The following CTNNA2 variants were observed in gnomAD, a reference collection of about 807,000 sequenced individuals.
CTNNA2 encodes catenin alpha-2.
A neutral mutation model predicts 101.0 loss-of-function variants in CTNNA2; 42 were observed. The ratio of observed to expected loss-of-function variants is 0.42; its 90% confidence interval spans 0.32 to 0.54. The LOEUF (loss-of-function observed/expected upper bound fraction) is 0.54, where lower values mean the gene tolerates loss of function less well. CTNNA2 is among the 20% of genes least tolerant of loss of function. CTNNA2 has a pLI of 0.14. For synonymous variants in CTNNA2, 450 were observed against 456.4 expected, an observed-to-expected ratio of 0.99 and a Z score of 0.18; for missense variants, 871 against 1,223.1, an observed-to-expected ratio of 0.71 and a Z score of 4.29.
intron 2 of CTNNA2, among the ~76,000 whole-genome samples, chr2:79,680,533 A>G (rs773987472): frequency 3.3e-4 from 50 of 152,158 alleles, no homozygotes; most frequent in Non-Finnish European, 5.9e-4. Flanking sequence ...TGAATGTACC[A>G]CACTGAGATA....
chr2:79,872,416 G>T (rs1162097617), intron 5 of CTNNA2, among the ~76,000 whole-genome samples: 13 of 151,986 alleles, frequency 8.6e-5, no homozygotes, highest in Admixed American at 8.5e-4. Flanking sequence ...CCCAGGAATG[G>T]AATTTCTGGA....
At chr2:79,554,097 A>T (rs1046989349) in intron 1 of CTNNA2, among the ~76,000 whole-genome samples, 1 of 152,146 alleles carries the variant, frequency 6.6e-6, no homozygotes, top group South Asian at 2.1e-4. Flanking sequence ...GCATGCAATG[A>T]CCTGTGAATG....
In CTNNA2 at chr2:79,703,324, GT is replaced by G. The variant is rs572604999; in HGVS notation, c.103-41055del. 3.3e-3 allele frequency among the ~76,000 whole-genome samples: 501 copies of G among 151,984 alleles called. 2 individuals carry two copies. The highest frequency in any genetic ancestry group is 5.6e-3 in the Non-Finnish European group (381 of 67,946). On this transcript the variant is annotated intron_variant, in intron 2 of 18. Transcript: ENST00000402739. ...AAAGATTGTAACTTGGTTCTTAGTT[GT>G]TTTTTTTCCCCAAACTTGGAATAAG...
At chr2:80,190,436 T>G (rs1162082375) in intron 7 of CTNNA2, among the ~76,000 whole-genome samples, 1 of 152,128 alleles carries the variant, frequency 6.6e-6, no homozygotes, top group East Asian at 1.9e-4. Context: ...CGTAATGAAC[T>G]CCACCTGGCA....
intron 7 of CTNNA2, among the ~76,000 whole-genome samples, chr2:80,159,526 C>G (rs951898117): frequency 1.4e-4 from 21 of 152,142 alleles, no homozygotes; most frequent in African/African-American, 4.8e-4. Flanking sequence ...TTTTCTTGTG[C>G]TAACCATATA....
chr2:80,524,688 C>T (rs910268767), intron 9 of CTNNA2, among the ~76,000 whole-genome samples: 1 of 152,150 alleles, frequency 6.6e-6, no homozygotes, highest in Non-Finnish European at 1.5e-5. Context: ...TTGCCATTAC[C>T]TCCTTCCCCA....
At chr2:79,959,327 T>C (rs1218387699) in intron 7 of CTNNA2, among the ~76,000 whole-genome samples, 1 of 152,232 alleles carries the variant, frequency 6.6e-6, no homozygotes, top group Non-Finnish European at 1.5e-5. Flanking sequence ...CAAAAATTGA[T>C]ATCAGAGTAG....
chr2:80,601,771 ATC>A (rs1468159455), intron 15 of CTNNA2: 3 of 151,884 alleles, frequency 2.0e-5, no homozygotes, highest in Non-Finnish European at 4.4e-5. Context: ...ACACATTAAT[ATC>A]TGTTTGTAAT....
intron 3 of CTNNA2, among the ~76,000 whole-genome samples, chr2:79,848,363 C>T (rs767193007): frequency 5.3e-5 from 8 of 152,234 alleles, no homozygotes; most frequent in African/African-American, 1.9e-4. Context: ...CACTGTTTAA[C>T]GTTTCCTAAT....
intron 2 of CTNNA2, among the ~76,000 whole-genome samples, chr2:79,271,538 G>T (rs1026542445): frequency 7.9e-5 from 12 of 152,050 alleles, no homozygotes; most frequent in Non-Finnish European, 1.8e-4. Flanking sequence ...TTTGGTATGT[G>T]TGCATGGAGA....
intron 9 of CTNNA2, among the ~76,000 whole-genome samples, chr2:80,452,258 A>G (rs1171126451): frequency 6.8e-6 from 1 of 147,886 alleles, no homozygotes; most frequent in Non-Finnish European, 1.5e-5. Flanking sequence ...AGCTGTTGTG[A>G]TATACTGTGG....
At chr2:79,725,974 C>T (rs1228692765) in intron 2 of CTNNA2, among the ~76,000 whole-genome samples, 1 of 152,148 alleles carries the variant, frequency 6.6e-6, no homozygotes, top group African/African-American at 2.4e-5. Context: ...CTTAGGTCTG[C>T]AGATGTCCAA....
intron 7 of CTNNA2, among the ~76,000 whole-genome samples, chr2:80,282,730 G>A (rs77600877): frequency 0.023 from 3,487 of 152,202 alleles, 131 homozygotes; most frequent in African/African-American, 0.079. Context: ...ATGTAGTCAT[G>A]TGGCACAATT....
At chr2:80,080,807 C>T (rs933000170) in intron 7 of CTNNA2, among the ~76,000 whole-genome samples, 1 of 151,922 alleles carries the variant, frequency 6.6e-6, no homozygotes, top group African/African-American at 2.4e-5. Flanking sequence ...CAGACACAAA[C>T]CTCCATGTAT....
chr2:79,277,294 C>T (rs976319237), intron 2 of CTNNA2, among the ~76,000 whole-genome samples: 6 of 152,054 alleles, frequency 3.9e-5, no homozygotes, highest in Non-Finnish European at 7.4e-5. Flanking sequence ...TTTGAATATA[C>T]GGCTGCTTCT....
intron 4 of CTNNA2, among the ~76,000 whole-genome samples, chr2:79,414,464 A>G (rs974724657): frequency 9.9e-5 from 15 of 152,054 alleles, no homozygotes; most frequent in Admixed American, 2.0e-4. Flanking sequence ...CAAATAATAT[A>G]TACTATATCC....
intron 3 of CTNNA2, among the ~76,000 whole-genome samples, chr2:79,356,156 G>A (rs891958435): frequency 2.6e-5 from 4 of 151,626 alleles, no homozygotes; most frequent in Non-Finnish European, 4.4e-5. Flanking sequence ...CTTAATGGGT[G>A]TGAAGTGGTA....
intron 8 of CTNNA2, among the ~76,000 whole-genome samples, chr2:80,396,107 G>T (rs1034665546): frequency 6.6e-6 from 1 of 152,116 alleles, no homozygotes; most frequent in East Asian, 1.9e-4. Context: ...GATACTCAAA[G>T]AAATCAAGAT....
chr2:80,232,624 A>T (rs1709321723), intron 7 of CTNNA2, among the ~76,000 whole-genome samples: 1 of 151,972 alleles, frequency 6.6e-6, no homozygotes, highest in Non-Finnish European at 1.5e-5. Context: ...TTTTTGTGCC[A>T]TGTGCAGAGT....
Sources: allele counts gnomAD v4.1 joint callset (sites outside exome capture counted in the v4.1 genomes callset), GRCh38; gene constraint gnomAD v4.1.1; transcripts MANE v1.5; gene names NCBI Gene and HGNC (gene_info 2026-07-23, HGNC 2026-07-21).